The following EEF2K variants were observed in gnomAD, a reference collection of about 807,000 sequenced individuals.
EEF2K encodes the protein eukaryotic elongation factor 2 kinase.
In EEF2K, 70 loss-of-function variants were observed where a neutral mutation model predicts 93.8. That is an observed-to-expected ratio of 0.75 (90% confidence interval 0.62 to 0.91). The LOEUF (loss-of-function observed/expected upper bound fraction) is 0.91. Among genes scored for constraint, EEF2K ranks in the 40% least tolerant of loss-of-function variants. The pLI is 0.00. For missense variants in EEF2K, 935 were observed against 972.9 expected, an observed-to-expected ratio of 0.96 and a Z score of 0.52; for synonymous variants, 376 against 380.8, an observed-to-expected ratio of 0.99 and a Z score of 0.15.
intron 15 of EEF2K, among the ~76,000 whole-genome samples, chr16:22,272,810 C>T (rs2047596627): frequency 6.6e-6 from 1 of 152,106 alleles, no homozygotes; most frequent in Non-Finnish European, 1.5e-5. Context: ...TACAGGTATG[C>T]ATCACCACGC....
At position 22,266,430 on chromosome 16, in the gene EEF2K, T is replaced by G; in HGVS notation, c.1481T>G (p.Leu494Arg). 1 of 1,614,090 alleles carries G rather than the reference T, an allele frequency of 6.2e-7. No individual in the cohort carries two copies. Among genetic ancestry groups the G allele is most frequent in the Non-Finnish European group, 8.5e-7 (1 of 1,180,000 alleles). Residue 494 changes from leucine to arginine, a missense_variant, in exon 14 of 18, where the codon CTC (leucine) becomes CGC (arginine). By Grantham distance (102) the Leu-to-Arg change is moderately radical. Coordinates refer to ENST00000263026, the MANE Select transcript of EEF2K (RefSeq NM_013302.5). ...EKWNLLNSSR[L>R]HLPRASAVAL... ...TGGAATCTCCTCAACTCCTCCCGCCTCCACCTGCCGAGGGCTTCGGCCGTG... is the reference window on the plus strand; with the variant it reads ...TGGAATCTCCTCAACTCCTCCCGCCGCCACCTGCCGAGGGCTTCGGCCGTG...
Position 22,266,515 on chromosome 16 carries a change from T to A in EEF2K, c.1566T>A (p.Ile522=). The change falls in exon 14 of 18, where the codon ATT becomes ATA. Residue 522 remains isoleucine (I), a synonymous_variant. Coordinates refer to ENST00000263026, the MANE Select transcript of EEF2K (RefSeq NM_013302.5). The part of the protein sequence containing the change: ...LDLEKKIGKS[I]LGKVHLAMVR... Reference sequence around the variant, plus strand: ...TCGAAAAGAAAATCGGGAAGTCCATTTTGGGGAAGGTATCGGCGATGCCCA... The same window carrying A: ...TCGAAAAGAAAATCGGGAAGTCCATATTGGGGAAGGTATCGGCGATGCCCA... 3 of 1,614,022 alleles carry A rather than the reference T, an allele frequency of 1.9e-6. No individual in the cohort carries two copies. The East Asian group carries it at 6.7e-5, about 36-fold the overall frequency.
chr16:22,210,635 C>T lies in EEF2K; in HGVS notation c.-77+3956C>T, dbSNP rs1009818864. ...TAGTCATGTGATTTGGGATAAGTCA[C>T]ATAACCTCTCTGTTCCTTAGTTTTC... On this transcript the variant is annotated intron_variant, in intron 1 of 17. Coordinates refer to ENST00000263026, the MANE Select transcript of EEF2K (RefSeq NM_013302.5). 7.9e-5 allele frequency among the ~76,000 whole-genome samples: 12 copies of T among 152,194 alleles called. No homozygotes were observed. In the South Asian group the frequency reaches 8.3e-4, roughly 10 times the overall value.
chr16:22,231,284 T>A (rs1484651168), intron 2 of EEF2K, among the ~76,000 whole-genome samples: 1 of 151,936 alleles, frequency 6.6e-6, no homozygotes, highest in Non-Finnish European at 1.5e-5. Flanking sequence ...ATTTATTTAT[T>A]TTTTGTATAT....
chr16:22,231,605 G>A (rs938832612), intron 2 of EEF2K, among the ~76,000 whole-genome samples: 4 of 152,048 alleles, frequency 2.6e-5, no homozygotes, highest in African/African-American at 7.2e-5. Context: ...TATCACTTAT[G>A]TGGAGAAAAA....
chr16:22,251,465 G>T, intron 6 of EEF2K, 143 bp downstream of exon 6: 1 of 1,139,350 alleles, frequency 8.8e-7, no homozygotes, highest in Non-Finnish European at 1.2e-6. Context: ...CCACCACCAA[G>T]GCTGGAGTGC....
intron 3 of EEF2K, among the ~76,000 whole-genome samples, chr16:22,246,439 CT>C (rs1222228470): frequency 6.8e-6 from 1 of 147,816 alleles, no homozygotes; most frequent in Admixed American, 6.8e-5. Context: ...TGCTTGAACC[CT>C]GGGAGACAGA....
In EEF2K at chr16:22,250,688, G is replaced by A. The variant is rs555655059; in HGVS notation, c.443G>A (p.Arg148Gln). Residue 148 changes from arginine to glutamine, a missense_variant, in exon 5 of 18, where the codon CGG becomes CAG. Arg to Gln is a conservative substitution (Grantham distance 43). Transcript: ENST00000263026. ...FGRGAMRECF[R>Q]TKKLSNFLHA... ...CGAGGAGCAATGAGGGAGTGCTTCC[G>A]GACGTAAGTGACTCAGCCTGGCTCT... The A allele has an allele frequency of 2.7e-5, 44 of 1,614,206 alleles. No individual in the cohort carries two copies. Among genetic ancestry groups the A allele is most frequent in the East Asian group, 2.2e-4 (10 of 44,882 alleles).
At chr16:22,215,151 G>A (rs1359087429) in intron 1 of EEF2K, among the ~76,000 whole-genome samples, 1 of 152,200 alleles carries the variant, frequency 6.6e-6, no homozygotes, top group Non-Finnish European at 1.5e-5. Flanking sequence ...GTTGTGGGAA[G>A]GGACCAATCA....
chr16:22,240,723 A>G (rs980801574), intron 2 of EEF2K, among the ~76,000 whole-genome samples: 2 of 152,194 alleles, frequency 1.3e-5, no homozygotes, highest in Non-Finnish European at 2.9e-5. Context: ...AGTCAGATGC[A>G]CAACAGAACA....
intron 1 of EEF2K, among the ~76,000 whole-genome samples, chr16:22,219,398 A>T (rs1330395324): frequency 6.6e-6 from 1 of 152,218 alleles, no homozygotes; most frequent in East Asian, 1.9e-4. Context: ...CAGGAGGCCA[A>T]GGTGGGAGGA....
In EEF2K at chr16:22,287,360, A is replaced by G. The variant is rs1403080676; in HGVS notation, c.*3364A>G. The G allele has an allele frequency of 6.6e-6, 1 of 152,246 alleles. No individual in the cohort carries two copies. Among genetic ancestry groups the G allele is most frequent in the African/African-American group, 2.4e-5 (1 of 41,472 alleles). 9.4% of individuals were successfully genotyped at this position (152,246 alleles called of 1,614,324 possible). ...CAAATGCTGGACATGCCAAAAACCT[A>G]ACGCAAAACCCAGGACATTCCAGCC... On this transcript the variant is annotated 3_prime_UTR_variant, in exon 18 of 18. Coordinates refer to ENST00000263026, the MANE Select transcript of EEF2K (RefSeq NM_013302.5).
chr16:22,276,426 ATTC>A (rs1471831904), intron 16 of EEF2K, among the ~76,000 whole-genome samples: 1 of 152,028 alleles, frequency 6.6e-6, no homozygotes, highest in Non-Finnish European at 1.5e-5. Flanking sequence ...TCATTTCCTT[ATTC>A]TTCTTCCTTA....
At chr16:22,281,282 C>T (rs2047690800) in intron 17 of EEF2K, among the ~76,000 whole-genome samples, 1 of 152,018 alleles carries the variant, frequency 6.6e-6, no homozygotes. Context: ...CTGTGTCACT[C>T]AGGCTGGAGT....
chr16:22,223,244 G>A (rs1297809035), intron 1 of EEF2K, among the ~76,000 whole-genome samples: 1 of 149,254 alleles, frequency 6.7e-6, no homozygotes, highest in Non-Finnish European at 1.5e-5. Context: ...TTAACTTTTT[G>A]AGATGTTGTT....
chr16:22,257,573 G>A, intron 8 of EEF2K, 70 bp from the exon 9 acceptor site: 1 of 1,585,586 alleles, frequency 6.3e-7, no homozygotes, highest in East Asian at 2.2e-5. Flanking sequence ...CCATATGTAT[G>A]AGGCCCACCA....
chr16:22,237,811 A>C (rs1167813614), intron 2 of EEF2K, among the ~76,000 whole-genome samples: 1 of 152,118 alleles, frequency 6.6e-6, no homozygotes, highest in Non-Finnish European at 1.5e-5. Flanking sequence ...GTTTCATATA[A>C]ATTACTTTTC....
intron 1 of EEF2K, among the ~76,000 whole-genome samples, chr16:22,212,404 A>G (rs2046923388): frequency 6.6e-6 from 1 of 151,492 alleles, no homozygotes; most frequent in Non-Finnish European, 1.5e-5. Context: ...GCTCACTGCA[A>G]CCTCCGCCTC....
chr16:22,257,686 C>A lies in EEF2K; in HGVS notation c.945C>A (p.Asn315Lys). ...MALFFYSHAC[N>K]RICESMGLAP... ...TCTTCTTCTACTCTCATGCCTGCAA[C>A]CGGATTTGCGAGAGCATGGGCCTTG... Residue 315 changes from asparagine (N) to lysine (K), a missense_variant, in exon 9 of 18, where the codon AAC becomes AAA. Asn to Lys is a moderately conservative substitution (Grantham distance 94). Coordinates refer to ENST00000263026, the MANE Select transcript of EEF2K (RefSeq NM_013302.5). The A allele has an allele frequency of 6.2e-7, 1 of 1,613,978 alleles. No homozygotes were observed. The highest frequency in any genetic ancestry group is 8.5e-7 in the Non-Finnish European group (1 of 1,180,052).
Sources: gnomAD v4.1 joint callset for allele counts (sites outside exome capture counted in the v4.1 genomes callset) on GRCh38, gnomAD v4.1.1 for gene constraint, MANE v1.5 for transcripts, NCBI Gene and HGNC (gene_info 2026-07-23, HGNC 2026-07-21) for gene names.